MTMR9: variants seen among roughly 807,000 people sequenced by gnomAD.
MTMR9 encodes myotubularin-related protein 9.
Under a neutral mutation model 69.5 loss-of-function variants are expected in MTMR9, and 39 were observed. The ratio of observed to expected loss-of-function variants is 0.56; its 90% CI spans 0.43 to 0.73. The LOEUF (loss-of-function observed/expected upper bound fraction) is 0.73, where lower values mean the gene tolerates loss of function less well. Among genes scored for constraint, MTMR9 ranks in the 30% least tolerant of loss-of-function variants. The probability of loss-of-function intolerance (pLI) is 0.00; values close to 1 mark genes in which losing one functional copy is unlikely to be tolerated. For synonymous variants in MTMR9, 354 were observed against 240.8 expected, an observed-to-expected ratio of 1.47 and a Z score of -4.35; for missense variants, 900 against 671.2, an observed-to-expected ratio of 1.34 and a Z score of -3.77.
rs1585100590 is a variant in MTMR9 at position 11,284,937 on chromosome 8, C to T, written c.49C>T (p.Leu17=). The T allele has an allele frequency of 6.2e-7, 1 of 1,613,864 alleles. No individual in the cohort carries two copies. Among genetic ancestry groups the T allele is most frequent in the Non-Finnish European group, 8.5e-7 (1 of 1,179,906 alleles). The change falls in exon 1 of 10, where the codon CTG becomes TTG. Residue 17 remains leucine (L), a synonymous_variant. Coordinates refer to ENST00000221086, the MANE Select transcript of MTMR9 (RefSeq NM_015458.4). ...IKTPRVDNVV[L]HRPFYPAVEG... ...GACCCCGCGGGTGGACAATGTGGTG[C>T]TGCACCGGCCTTTCTACCCGGCTGT...
the MTMR9 span, among the ~76,000 whole-genome samples, chr8:11,339,410 C>T: frequency 6.6e-6 from 1 of 152,204 alleles, no homozygotes; most frequent in African/African-American, 2.4e-5. Flanking sequence ...ACAATACAGT[C>T]CAAAGGGTCC....
chr8:11,330,251 G>GGA (rs1801156733), downstream of MTMR9, among the ~76,000 whole-genome samples: 1 of 150,134 alleles, frequency 6.7e-6, no homozygotes, highest in Non-Finnish European at 1.5e-5. Context: ...GAGGTGGAGG[G>GGA]TCAGCCCCCC....
At chr8:11,313,914 A>C (rs1210884617) in intron 6 of MTMR9, among the ~76,000 whole-genome samples, 1 of 152,270 alleles carries the variant, frequency 6.6e-6, no homozygotes, top group Non-Finnish European at 1.5e-5. Flanking sequence ...GGGTGCCAGC[A>C]TACTTAATTG....
chr8:11,309,818 C>G (rs1800121230), intron 6 of MTMR9, 130 bp downstream of exon 6: 1 of 894,242 alleles, frequency 1.1e-6, no homozygotes, highest in African/African-American at 1.7e-5. Context: ...TCAACACCAT[C>G]CCATTATTGA....
intron 3 of MTMR9, 50 bp from the exon 4 acceptor site, chr8:11,304,791 T>G: frequency 6.4e-7 from 1 of 1,570,920 alleles, no homozygotes; most frequent in Non-Finnish European, 8.7e-7. Flanking sequence ...TCAGATTATT[T>G]TGCGACATTG....
chr8:11,334,600 A>T, the MTMR9 span, among the ~76,000 whole-genome samples: 1 of 152,186 alleles, frequency 6.6e-6, no homozygotes, highest in African/African-American at 2.4e-5. Context: ...TTATGGGGAA[A>T]ATGGGGGGCA....
At chr8:11,316,507 A>G (rs780785596) in intron 7 of MTMR9, 166 bp from the exon 8 acceptor site, 10 of 447,224 alleles carry the variant, frequency 2.2e-5, no homozygotes, top group South Asian at 6.6e-5. Context: ...TGCTGCCGCT[A>G]TTTATTTTAT....
chr8:11,320,109 A>C, intron 9 of MTMR9: 1 of 331,024 alleles, frequency 3.0e-6, no homozygotes, highest in East Asian at 6.1e-5. Context: ...AAAGTACCTT[A>C]CTCTTTGCCT....
intron 8 of MTMR9, chr8:11,318,147 C>G (rs748999672): frequency 2.0e-5 from 3 of 152,098 alleles, no homozygotes; most frequent in Non-Finnish European, 4.4e-5. Context: ...CTGTTAATAT[C>G]CTCAGGACTA....
downstream of MTMR9, among the ~76,000 whole-genome samples, chr8:11,330,726 G>A (rs968392403): frequency 2.0e-5 from 3 of 152,012 alleles, no homozygotes; most frequent in African/African-American, 7.3e-5. Flanking sequence ...CAGCATGCTC[G>A]TTAAGAGTCA....
downstream of MTMR9, among the ~76,000 whole-genome samples, chr8:11,329,319 G>A (rs944055537): frequency 6.6e-6 from 1 of 152,230 alleles, no homozygotes; most frequent in African/African-American, 2.4e-5. Flanking sequence ...CTTGAGCCCA[G>A]GAGTTCCCTC....
Position 11,325,147 on chromosome 8 carries a change from A to T in MTMR9, c.*2359A>T, listed in dbSNP as rs1350513106. 6.6e-6 allele frequency: 1 copy of T among 152,246 alleles called. No homozygotes were observed. The highest frequency in any genetic ancestry group is 1.5e-5 in the Non-Finnish European group (1 of 68,048). 9.4% of individuals were successfully genotyped at this position (152,246 alleles called of 1,614,324 possible). On this transcript the variant is annotated 3_prime_UTR_variant, in exon 10 of 10. Transcript: ENST00000221086. ...TAATTAGGGATTGTTCAAACTTCAG[A>T]TCTGTTTACAGGTTGTAAAAATAAA...
At chr8:11,301,833 G>A (rs991265243) in intron 3 of MTMR9, among the ~76,000 whole-genome samples, 2 of 152,144 alleles carry the variant, frequency 1.3e-5, no homozygotes, top group Non-Finnish European at 2.9e-5. Context: ...TAAGTGATTT[G>A]AAATATAGAT....
At chr8:11,338,104 G>A in the MTMR9 span, among the ~76,000 whole-genome samples, 1 of 152,246 alleles carries the variant, frequency 6.6e-6, no homozygotes. Context: ...ATGATTTGGA[G>A]ACACTGTCCC....
intron 1 of MTMR9, among the ~76,000 whole-genome samples, chr8:11,286,203 A>G (rs915715547): frequency 6.6e-6 from 1 of 151,596 alleles, no homozygotes; most frequent in Non-Finnish European, 1.5e-5. Context: ...CCTCCCGCCT[A>G]GGCCTCCCAC....
At chr8:11,312,744 A>G (rs899037864) in intron 6 of MTMR9, among the ~76,000 whole-genome samples, 2 of 152,228 alleles carry the variant, frequency 1.3e-5, no homozygotes, top group African/African-American at 4.8e-5. Context: ...GTCCAGAACC[A>G]TCAGAGGAAT....
At chr8:11,320,560 C>G (rs1800635608) in intron 9 of MTMR9, 1 of 152,168 alleles carries the variant, frequency 6.6e-6, no homozygotes, top group Non-Finnish European at 1.5e-5. Flanking sequence ...GAAACCCCAT[C>G]TCTACTGAAA....
chr8:11,319,812 C>A lies in MTMR9; in HGVS notation c.1460C>A (p.Ala487Asp). The A allele has an allele frequency of 6.2e-7, 1 of 1,614,158 alleles. No individual in the cohort carries two copies. The highest frequency in any genetic ancestry group is 1.6e-4 in the Middle Eastern group (1 of 6,062). Residue 487 changes from alanine to aspartate, a missense_variant, in exon 9 of 10, where the codon GCT (alanine) becomes GAT (aspartate). Physicochemically the swap from Ala to Asp is moderately radical, Grantham distance 126. Coordinates refer to ENST00000221086, the MANE Select transcript of MTMR9 (RefSeq NM_015458.4). ...ANNLVIWPSV[A>D]PQSLPLWEGI... ...AACCTTGTCATCTGGCCTTCAGTTG[C>A]TCCGCAGAGTCTTCCACTGTGGGAA...
chr8:11,302,034 G>T (rs958614873), intron 3 of MTMR9, among the ~76,000 whole-genome samples: 2 of 151,910 alleles, frequency 1.3e-5, no homozygotes. Flanking sequence ...AGGCAGGCAG[G>T]TCACTTGAGC....
Sources: gnomAD v4.1 joint callset for allele counts (sites outside exome capture counted in the v4.1 genomes callset) on GRCh38, gnomAD v4.1.1 for gene constraint, MANE v1.5 for transcripts, NCBI Gene and HGNC (gene_info 2026-07-23, HGNC 2026-07-21) for gene names.